Variants in NTM observed in about 807,000 individuals in gnomAD.
NTM encodes IgLON family member 2.
Under a neutral mutation model 42.1 loss-of-function variants are expected in NTM, and 13 were observed. The ratio of observed to expected loss-of-function variants is 0.31; its 90% CI spans 0.20 to 0.49. NTM has a LOEUF of 0.49. Ranked by LOEUF, NTM falls within the 20% of genes least tolerant of loss-of-function variation. The pLI is 0.99. For missense variants in NTM, 373 were observed against 452.8 expected (o/e 0.82, Z 1.60); for synonymous variants, 187 against 179.2 (o/e 1.04, Z -0.35).
intron 4 of NTM, among the ~76,000 whole-genome samples, chr11:132,303,142 C>T (rs894525666): frequency 2.0e-5 from 3 of 152,224 alleles, no homozygotes; most frequent in Non-Finnish European, 4.4e-5. Flanking sequence ...TAGTGCAGAA[C>T]AGCCAGAGGC....
intron 3 of NTM, among the ~76,000 whole-genome samples, chr11:132,175,084 C>T (rs1205109930): frequency 1.3e-5 from 2 of 152,112 alleles, no homozygotes; most frequent in African/African-American, 2.4e-5. Context: ...TGCTGCTTTG[C>T]AAATAAAGTG....
chr11:131,644,134 A>G (rs1320269141), intron 1 of NTM, among the ~76,000 whole-genome samples: 1 of 152,000 alleles, frequency 6.6e-6, no homozygotes, highest in Admixed American at 6.5e-5. Context: ...TCCCCAAGAG[A>G]TTCCTTCCCT....
intron 1 of NTM, among the ~76,000 whole-genome samples, chr11:131,868,466 A>T (rs2047443961): frequency 6.6e-6 from 1 of 152,034 alleles, no homozygotes; most frequent in Non-Finnish European, 1.5e-5. Context: ...CCCAGCTCTG[A>T]TTGTGTCGGG....
intron 1 of NTM, among the ~76,000 whole-genome samples, chr11:131,424,236 G>T (rs984998855): frequency 6.6e-6 from 1 of 152,132 alleles, no homozygotes; most frequent in African/African-American, 2.4e-5. Context: ...GGAAAAAAAA[G>T]AAAGAAAATA....
chr11:131,810,882 T>G (rs1205402679), intron 1 of NTM, among the ~76,000 whole-genome samples: 1 of 152,220 alleles, frequency 6.6e-6, no homozygotes, highest in Non-Finnish European at 1.5e-5. Flanking sequence ...TCTAGTCTAG[T>G]GGATTTCCAG....
At chr11:132,124,033 A>C (rs533485200) in intron 2 of NTM, among the ~76,000 whole-genome samples, 1 of 152,146 alleles carries the variant, frequency 6.6e-6, no homozygotes, top group South Asian at 2.1e-4. Context: ...CCTTGCAGGT[A>C]AAGTGGAGAT....
At chr11:131,739,002 T>C (rs1233061556) in intron 1 of NTM, among the ~76,000 whole-genome samples, 2 of 152,152 alleles carry the variant, frequency 1.3e-5, no homozygotes, top group African/African-American at 4.8e-5. Context: ...CCCTGCAGCT[T>C]TGTCACTGGC....
At chr11:132,296,105 G>C (rs1235527130) in intron 4 of NTM, among the ~76,000 whole-genome samples, 5 of 152,276 alleles carry the variant, frequency 3.3e-5, no homozygotes, top group Non-Finnish European at 7.3e-5. Flanking sequence ...TGCCAAGAGA[G>C]ATCAGATGCA....
intron 2 of NTM, among the ~76,000 whole-genome samples, chr11:132,134,564 A>G (rs2067405461): frequency 6.6e-6 from 1 of 150,930 alleles, no homozygotes; most frequent in Admixed American, 6.6e-5. Context: ...TATATGAGTC[A>G]TATAGGAATA....
chr11:132,252,741 T>C (rs1379859654), intron 4 of NTM, among the ~76,000 whole-genome samples: 1 of 152,188 alleles, frequency 6.6e-6, no homozygotes, highest in Non-Finnish European at 1.5e-5. Context: ...CAGCCGTCCA[T>C]GTGCACCATG....
At chr11:132,014,883 C>G (rs2073086614) in intron 2 of NTM, among the ~76,000 whole-genome samples, 1 of 151,626 alleles carries the variant, frequency 6.6e-6, no homozygotes, top group African/African-American at 2.4e-5. Context: ...AGTGCAGAAG[C>G]TTTTTGGCTT....
At chr11:131,515,373 GC>G (rs2048766905) in intron 1 of NTM, among the ~76,000 whole-genome samples, 1 of 152,158 alleles carries the variant, frequency 6.6e-6, no homozygotes, top group Non-Finnish European at 1.5e-5. Context: ...TGTTCTCGGA[GC>G]CCAGTCCTCT....
At chr11:131,698,249 C>T (rs79604383) in intron 1 of NTM, among the ~76,000 whole-genome samples, 2,782 of 152,238 alleles carry the variant, frequency 0.018, 87 homozygotes, top group African/African-American at 0.062. Context: ...ATACCCTGGC[C>T]ACCTAGGGCA....
intron 1 of NTM, among the ~76,000 whole-genome samples, chr11:131,816,438 A>C (rs1469701921): frequency 6.6e-6 from 1 of 152,100 alleles, no homozygotes; most frequent in Non-Finnish European, 1.5e-5. Context: ...TGGGGTACGT[A>C]TCTTCCTGGA....
At chr11:131,842,900 A>G (rs140901807) in intron 1 of NTM, among the ~76,000 whole-genome samples, 24 of 152,166 alleles carry the variant, frequency 1.6e-4, no homozygotes, top group African/African-American at 4.8e-4. Context: ...AATCCCAGCT[A>G]CTCAGGAGAC....
intron 1 of NTM, among the ~76,000 whole-genome samples, chr11:131,749,959 T>C (rs2082280892): frequency 6.6e-6 from 1 of 152,212 alleles, no homozygotes; most frequent in Non-Finnish European, 1.5e-5. Context: ...AACATTTCTG[T>C]GTTTCTCGCA....
At position 131,651,433 on chromosome 11, in the gene NTM, T is replaced by G. The variant is rs2066462565; in HGVS notation, c.83-260131T>G. ...CTTCCATAGTAAACTTTAAGCAAGATTCCCTGGCAGATGCTGTGGAATAAA... is the reference window on the plus strand; with the variant it reads ...CTTCCATAGTAAACTTTAAGCAAGAGTCCCTGGCAGATGCTGTGGAATAAA... On this transcript the variant is annotated intron_variant, in intron 1 of 8. Coordinates refer to ENST00000683400, the MANE Select transcript of NTM (RefSeq NM_001352005.2). Among the ~76,000 whole-genome samples the G allele has an allele frequency of 3.9e-5, 6 of 152,326 alleles. No individual in the cohort carries two copies. In the South Asian group the frequency reaches 1.0e-3, roughly 26 times the overall value.
chr11:131,829,348 C>G (rs1398410949), intron 1 of NTM, among the ~76,000 whole-genome samples: 2 of 152,074 alleles, frequency 1.3e-5, no homozygotes, highest in South Asian at 2.1e-4. Flanking sequence ...CCTGTCCCCT[C>G]CCTCTAGAAT....
rs558027215 is a variant in NTM, at chr11:132,335,863, A to C, written c.*717A>C. 2 of 152,782 alleles carry C rather than the reference A, an allele frequency of 1.3e-5. No individual in the cohort carries two copies. Among genetic ancestry groups the C allele is most frequent in the Non-Finnish European group, 2.9e-5 (2 of 68,040 alleles). 9.5% of individuals were successfully genotyped at this position (152,782 alleles called of 1,614,324 possible). ...TGCAAAAACAAGACAAAACTAAAAA[A>C]ATACAACTGAGAAGGGTGAAGAGAA... On this transcript the variant is annotated 3_prime_UTR_variant, in exon 9 of 9. Transcript: ENST00000683400.
Sources: gnomAD v4.1 joint callset for allele counts (sites outside exome capture counted in the v4.1 genomes callset) on GRCh38, gnomAD v4.1.1 for gene constraint, MANE v1.5 for transcripts, NCBI Gene and HGNC (gene_info 2026-07-23, HGNC 2026-07-21) for gene names.